The following FAM199X variants were observed in gnomAD, a reference collection of about 807,000 sequenced individuals.
The protein encoded by FAM199X is family with sequence similarity 199, X-linked.
In FAM199X, 4 loss-of-function variants were observed where a neutral mutation model predicts 22.9. The observed-to-expected ratio is 0.17, with a 90% confidence interval of 0.09 to 0.40. The LOEUF is 0.40. Among genes scored for constraint, FAM199X ranks in the 10% least tolerant of loss-of-function variants. FAM199X has a pLI of 1.00. For synonymous variants in FAM199X, 101 were observed against 112.3 expected, an observed-to-expected ratio of 0.90 and a Z score of 0.64; for missense variants, 183 against 306.8, an observed-to-expected ratio of 0.60 and a Z score of 3.01.
chrX:104,195,255 A>G lies in FAM199X; in HGVS notation c.*5477A>G, dbSNP rs1187006151. ...CACAGCCCACTCACTGCTGCTTACTACTTTATACTTCTGAGTCAGCTCCTT... is the reference window on the plus strand; with the variant it reads ...CACAGCCCACTCACTGCTGCTTACTGCTTTATACTTCTGAGTCAGCTCCTT... On this transcript the variant is annotated 3_prime_UTR_variant, in exon 6 of 6. Coordinates refer to ENST00000493442, the MANE Select transcript of FAM199X (RefSeq NM_207318.4). 9.0e-6 allele frequency: 1 copy of G among 111,296 alleles called. No individual in the cohort carries two copies. The highest frequency in any genetic ancestry group is 1.9e-5 in the Non-Finnish European group (1 of 52,993). The allele number at this position is 111,296 out of a possible 1,213,427, so 9.2% of individuals were successfully genotyped here.
At position 104,166,952 on chromosome X, in the gene FAM199X, C is replaced by A; in HGVS notation, c.167C>A (p.Thr56Asn). The change falls in exon 1 of 6, where the codon ACC (threonine) becomes AAC (asparagine). Residue 56 changes from threonine to asparagine, a missense_variant. Around this residue, in one of 2 missense-constraint regions of FAM199X, gnomAD observed 55 missense variants for 60.6 expected, o/e 0.91. Transcript: ENST00000493442. ...TGCCAGCTGTCCTCCTGCCATCGCA[C>A]CGACCCGCTCCACCGCTTCCACACC... ...FGCQLSSCHR[T>N]DPLHRFHTNR... 1 of 1,177,283 alleles carries A rather than the reference C, an allele frequency of 8.5e-7. No individual in the cohort carries two copies. Among genetic ancestry groups the A allele is most frequent in the Non-Finnish European group, 1.1e-6 (1 of 877,003 alleles).
chrX:104,189,404 G>A (rs143955815), intron 5 of FAM199X, among the ~76,000 whole-genome samples: 2,400 of 111,777 alleles, frequency 0.021, 28 homozygotes, highest in Middle Eastern at 0.051. Flanking sequence ...AATCAGAAGA[G>A]TCACTGGTCA....
chrX:104,160,123 T>G, the FAM199X span, among the ~76,000 whole-genome samples: 1 of 112,109 alleles, frequency 8.9e-6, no homozygotes, highest in Non-Finnish European at 1.9e-5. Flanking sequence ...TGTCAGAGGA[T>G]CATGTAAAGA....
At chrX:104,170,361 C>T (rs183318651) in intron 1 of FAM199X, among the ~76,000 whole-genome samples, 1 of 111,353 alleles carries the variant, frequency 9.0e-6, no homozygotes, top group East Asian at 2.8e-4. Flanking sequence ...GGTTTGGGGA[C>T]TTGCTGAGAC....
chrX:104,164,427 C>G (rs782648682), upstream of FAM199X, among the ~76,000 whole-genome samples: 28 of 112,270 alleles, frequency 2.5e-4, no homozygotes, highest in Non-Finnish European at 4.9e-4. Context: ...ATGTCCTAAT[C>G]ATGTGGCAGC....
chrX:104,163,243 T>G (rs945454367), upstream of FAM199X, among the ~76,000 whole-genome samples: 3 of 111,767 alleles, frequency 2.7e-5, no homozygotes, highest in Non-Finnish European at 5.6e-5. Flanking sequence ...TGATAAAAGT[T>G]AATTGACAAT....
intron 1 of FAM199X, among the ~76,000 whole-genome samples, chrX:104,172,655 C>T (rs1288622176): frequency 9.2e-6 from 1 of 109,236 alleles, no homozygotes; most frequent in Non-Finnish European, 1.9e-5. Context: ...TTCCTGACTC[C>T]TTTGGCAGTG....
intron 1 of FAM199X, among the ~76,000 whole-genome samples, chrX:104,168,608 G>A (rs1243076256): frequency 1.8e-5 from 2 of 112,208 alleles, no homozygotes; most frequent in Non-Finnish European, 3.8e-5. Context: ...ATCCTGCTGT[G>A]ATGATGAGGG....
chrX:104,189,778 A>G lies in FAM199X; in HGVS notation c.1167A>G (p.Ter389=), dbSNP rs1921892761. ...DHEADVDVLM[*] is the part of the protein sequence containing the mutation. The stretch of plus-strand genomic sequence containing the variant: ...AAGCAGATGTTGATGTTTTGATGTA[A>G]TAAGGGTGAATTTATCAACGTTCTT... Residue 389 remains the stop codon, a stop_retained_variant, in exon 6 of 6, where the codon TAA becomes TAG. Transcript: ENST00000493442. 3.3e-6 allele frequency: 4 copies of G among 1,207,722 alleles called. No homozygotes were observed. In the Admixed American group the frequency reaches 8.8e-5, roughly 27 times the overall value.
At chrX:104,167,263 C>A (rs1341446140) in intron 1 of FAM199X, among the ~76,000 whole-genome samples, 1 of 105,943 alleles carries the variant, frequency 9.4e-6, no homozygotes, top group African/African-American at 3.5e-5. Context: ...TTCCCTCCCC[C>A]CATCTGTACC....
intron 5 of FAM199X, among the ~76,000 whole-genome samples, chrX:104,188,681 G>T (rs868975438): frequency 1.2e-4 from 13 of 111,983 alleles, no homozygotes; most frequent in African/African-American, 3.9e-4. Context: ...TATGTCTTTT[G>T]TGTGTGTTAA....
chrX:104,184,016 C>T (rs2147895622), intron 2 of FAM199X, among the ~76,000 whole-genome samples: 1 of 112,005 alleles, frequency 8.9e-6, no homozygotes, highest in East Asian at 2.8e-4. Context: ...TGCCTGCAGT[C>T]CATTGCAACT....
rs1039828077 is a variant in FAM199X, at chrX:104,171,013, C to G, written c.197+4031C>G. On this transcript the variant is annotated intron_variant, in intron 1 of 5. Transcript: ENST00000493442. ...CTGTACCCTAAGAATGAATATATAGCATAGACTTCAAATGACCTTCATCAG... is the reference window on the plus strand; with the variant it reads ...CTGTACCCTAAGAATGAATATATAGGATAGACTTCAAATGACCTTCATCAG... Among the ~76,000 whole-genome samples, 15 of 111,303 alleles carry G rather than the reference C, an allele frequency of 1.3e-4. 1 individual carries two copies.
chrX:104,167,130 C>A (rs1212407495), intron 1 of FAM199X, 148 bp downstream of exon 1: 7 of 468,058 alleles, frequency 1.5e-5, no homozygotes, highest in Non-Finnish European at 1.6e-5. Flanking sequence ...CCCTGCCCCC[C>A]CTCCCTATTT....
rs1222370430 is a variant in FAM199X, at chrX:104,193,391, C to T, written c.*3613C>T. 1.8e-5 allele frequency: 2 copies of T among 111,609 alleles called. No homozygotes were observed. The highest frequency in any genetic ancestry group is 1.9e-5 in the Non-Finnish European group (1 of 52,902). 9.2% of individuals were successfully genotyped at this position (111,609 alleles called of 1,213,427 possible). A position where few individuals can be genotyped will look rare whatever the true frequency, so the allele number is the denominator to read the frequency against. On this transcript the variant is annotated 3_prime_UTR_variant, in exon 6 of 6. Transcript: ENST00000493442. ...CAGGATACTTCTTCAAACCAGATCA[C>T]TTTTAATATCTAGAAAGATAATTTT...
intron 2 of FAM199X, among the ~76,000 whole-genome samples, chrX:104,184,943 TC>T (rs1331914769): frequency 9.2e-6 from 1 of 108,206 alleles, no homozygotes; most frequent in African/African-American, 3.4e-5. Flanking sequence ...TTTTTTCCTT[TC>T]TTTTTTTTTT....
upstream of FAM199X, among the ~76,000 whole-genome samples, chrX:104,166,298 C>G (rs1311651952): frequency 8.8e-6 from 1 of 113,104 alleles, no homozygotes; most frequent in African/African-American, 3.2e-5. Context: ...GCCTTTCTAG[C>G]GGCCTGAATC....
rs1602525243 is a variant in FAM199X at position 104,194,545 on chromosome X, G to T, written c.*4767G>T. The T allele has an allele frequency of 1.8e-5, 2 of 112,084 alleles. No individual in the cohort carries two copies. The highest frequency in any genetic ancestry group is 5.6e-4 in the East Asian group (2 of 3,580). 9.2% of individuals were successfully genotyped at this position (112,084 alleles called of 1,213,427 possible). A position where few individuals can be genotyped will look rare whatever the true frequency, so the allele number is the denominator to read the frequency against. On this transcript the variant is annotated 3_prime_UTR_variant, in exon 6 of 6. Transcript: ENST00000493442. Reference sequence around the variant, plus strand: ...TTGACATTTGTGGTTAGGTTATCTAGCTGAGGCTTTTAACAATGGAGCAGA... The same window carrying T: ...TTGACATTTGTGGTTAGGTTATCTATCTGAGGCTTTTAACAATGGAGCAGA...
the FAM199X span, among the ~76,000 whole-genome samples, chrX:104,159,012 A>T: frequency 1.8e-5 from 2 of 112,326 alleles, no homozygotes; most frequent in Admixed American, 1.9e-4. Flanking sequence ...GGCCAAATTT[A>T]AAAACAAAAA....
Sources: gnomAD v4.1 joint callset for allele counts (sites outside exome capture counted in the v4.1 genomes callset) on GRCh38, gnomAD v4.1.1 for gene constraint, gnomAD v4.1.1 regional missense constraint, MANE v1.5 for transcripts, NCBI Gene and HGNC (gene_info 2026-07-23, HGNC 2026-07-21) for gene names.